Variants in NOS1 observed in about 807,000 individuals in gnomAD.
The protein encoded by NOS1 is nitric oxide synthase 1, also known as NOS type I.
A neutral mutation model predicts 164.5 loss-of-function variants in NOS1; 51 were observed. The observed-to-expected ratio is 0.31, with a 90% CI of 0.25 to 0.39. The LOEUF is 0.39. Ranked by LOEUF, NOS1 falls within the 10% of genes least tolerant of loss-of-function variation. The probability of loss-of-function intolerance (pLI) is 1.00; values close to 1 mark genes in which losing one functional copy is unlikely to be tolerated. For synonymous variants in NOS1, 719 were observed against 745.8 expected, an observed-to-expected ratio of 0.96 and a Z score of 0.59; for missense variants, 1,362 against 1,885.6, an observed-to-expected ratio of 0.72 and a Z score of 5.14.
Position 117,331,342 on chromosome 12 carries a change from G to A in NOS1, c.-273C>T. ...GACCAGGCAGACGTCAAGAGAGGCG[G>A]TGGGACGTGTCCCTAAGGTCAGGCA... On this transcript the variant is annotated 5_prime_UTR_variant, in exon 2 of 29. Coordinates refer to ENST00000317775, the MANE Select transcript of NOS1 (RefSeq NM_000620.5). 1.1e-5 allele frequency: 5 copies of A among 467,986 alleles called. No individual in the cohort carries two copies. The South Asian group carries it at 1.5e-4, about 14-fold the overall frequency. 29.0% of individuals were successfully genotyped at this position (467,986 alleles called of 1,614,324 possible).
At chr12:117,348,890 C>G (rs976857253) in intron 1 of NOS1, among the ~76,000 whole-genome samples, 1 of 152,106 alleles carries the variant, frequency 6.6e-6, no homozygotes. Flanking sequence ...AGCACAGTAG[C>G]GGAGAAAGTG....
chr12:117,227,385 T>C (rs763539471), intron 23 of NOS1, 46 bp downstream of exon 23: 3 of 1,589,782 alleles, frequency 1.9e-6, no homozygotes, highest in African/African-American at 1.3e-5. Flanking sequence ...AGAGGCCCCT[T>C]GGGGGAAAAT....
chr12:117,280,462 T>G (rs147472242), intron 8 of NOS1, among the ~76,000 whole-genome samples: 1 of 152,158 alleles, frequency 6.6e-6, no homozygotes, highest in African/African-American at 2.4e-5. Flanking sequence ...TTGGCCTTGG[T>G]GAGACTCGGT....
intron 22 of NOS1, among the ~76,000 whole-genome samples, chr12:117,231,011 C>T (rs1869159847): frequency 6.6e-6 from 1 of 151,856 alleles, no homozygotes; most frequent in African/African-American, 2.4e-5. Context: ...TTCATGGGTA[C>T]AAAAATACAG....
intron 27 of NOS1, among the ~76,000 whole-genome samples, chr12:117,219,492 A>C (rs1331375239): frequency 2.7e-5 from 4 of 150,792 alleles, no homozygotes; most frequent in African/African-American, 9.9e-5. Flanking sequence ...TTTTTAGAAG[A>C]GACAGGGTTT....
At chr12:117,294,746 A>G (rs984163149) in intron 3 of NOS1, among the ~76,000 whole-genome samples, 3 of 152,170 alleles carry the variant, frequency 2.0e-5, no homozygotes, top group African/African-American at 7.2e-5. Context: ...CTGTGGCTAC[A>G]TACTCCCTTT....
At chr12:117,232,796 T>C (rs1307980402) in intron 21 of NOS1, among the ~76,000 whole-genome samples, 3 of 152,200 alleles carry the variant, frequency 2.0e-5, no homozygotes, top group Non-Finnish European at 4.4e-5. Context: ...CATCAGGGGT[T>C]CAATCCCAAA....
At chr12:117,215,438 C>CA in intron 28 of NOS1, 114 bp from the exon 29 acceptor site, 1 of 1,007,660 alleles carries the variant, frequency 9.9e-7, no homozygotes, top group Non-Finnish European at 1.3e-6. Context: ...TTGTCTCTTT[C>CA]TTTTTTTTTT....
intron 1 of NOS1, among the ~76,000 whole-genome samples, chr12:117,339,326 G>GA (rs1875986858): frequency 6.6e-6 from 1 of 152,218 alleles, no homozygotes; most frequent in Admixed American, 6.5e-5. Context: ...CTCAGAGGTA[G>GA]TAACAGGCTC....
chr12:117,322,445 C>T (rs1296058260), intron 2 of NOS1, among the ~76,000 whole-genome samples: 22 of 141,388 alleles, frequency 1.6e-4, no homozygotes, highest in African/African-American at 5.8e-4. Context: ...TCCTGCTTTC[C>T]CTCCATCCTT....
chr12:117,247,262 T>G, intron 18 of NOS1, 86 bp downstream of exon 18: 1 of 1,168,440 alleles, frequency 8.6e-7, no homozygotes, highest in Non-Finnish European at 1.2e-6. Context: ...TCTCTCAAGT[T>G]TATTCTCTTC....
rs9658474 is a variant in NOS1 at position 117,243,704 on chromosome 12, C to T, written c.2824-269G>A. 6.6e-6 allele frequency among the ~76,000 whole-genome samples: 1 copy of T among 151,364 alleles called. No homozygotes were observed. Among genetic ancestry groups the T allele is most frequent in the African/African-American group, 2.4e-5 (1 of 41,058 alleles). ...CTCATCTACTCTTCCATTCATCTAC[C>T]CTTCCACCCTCCCATCCATGTATCT... On this transcript the variant is annotated intron_variant, in intron 18 of 28. Coordinates refer to ENST00000317775, the MANE Select transcript of NOS1 (RefSeq NM_000620.5). The surrounding 1 kb of genome is among the most constrained non-coding windows in gnomAD (Gnocchi z 4.3).
At chr12:117,326,138 C>A (rs1315387912) in intron 2 of NOS1, among the ~76,000 whole-genome samples, 1 of 152,002 alleles carries the variant, frequency 6.6e-6, no homozygotes, top group Non-Finnish European at 1.5e-5. Flanking sequence ...GTAATCCCAG[C>A]GCTTTGGGAG....
chr12:117,210,954 T>C lies in NOS1; in HGVS notation c.*4355A>G. The stretch of plus-strand genomic sequence containing the variant: ...AGGGGCAAGATGTTTTATTTTATTT[T>C]ATTTTATTTTATTTTTTTTGAGATA... On this transcript the variant is annotated 3_prime_UTR_variant, in exon 29 of 29. Coordinates refer to ENST00000317775, the MANE Select transcript of NOS1 (RefSeq NM_000620.5). 1.0e-6 allele frequency: 1 copy of C among 960,686 alleles called. No individual in the cohort carries two copies. Among genetic ancestry groups the C allele is most frequent in the Non-Finnish European group, 1.2e-6 (1 of 808,740 alleles). 59.5% of individuals were successfully genotyped at this position (960,686 alleles called of 1,614,324 possible).
In NOS1 at chr12:117,330,300, G is replaced by GCATGCA; in HGVS notation, c.725+44_725+45insTGCATG. The GCATGCA allele has an allele frequency of 2.7e-6, 4 of 1,491,268 alleles. No individual in the cohort carries two copies. Among genetic ancestry groups the GCATGCA allele is most frequent in the Non-Finnish European group, 2.7e-6 (3 of 1,111,634 alleles). 92.4% of individuals were successfully genotyped at this position (1,491,268 alleles called of 1,614,324 possible). ...GACGCACATGCACACACACAAGCAT[G>GCATGCA]CACACACACACACACACACACACAC... On this transcript the variant is annotated intron_variant, in intron 2 of 28. Coordinates refer to ENST00000317775, the MANE Select transcript of NOS1 (RefSeq NM_000620.5). The surrounding 1 kb of genome is among the most constrained non-coding windows in gnomAD (Gnocchi z 4.6).
At position 117,274,762 on chromosome 12, in the gene NOS1, C is replaced by T. The variant is rs544507333; in HGVS notation, c.1665-2203G>A. ...TCCAGCCTGGGCTGGAGTGACACTC[C>T]GTCTCACAAAAAAAAAAAAAAAAAA... On this transcript the variant is annotated intron_variant, in intron 9 of 28. Transcript: ENST00000317775. Among the ~76,000 whole-genome samples the T allele has an allele frequency of 9.7e-5, 9 of 92,768 alleles. No individual in the cohort carries two copies. The South Asian group carries it at 1.3e-3, about 13-fold the overall frequency. 60.9% of individuals were successfully genotyped at this position (92,768 alleles called of 152,430 possible). A position where few individuals can be genotyped will look rare whatever the true frequency, so the allele number is the denominator to read the frequency against.
chr12:117,303,944 G>T (rs562620201), intron 3 of NOS1, among the ~76,000 whole-genome samples: 1 of 152,148 alleles, frequency 6.6e-6, no homozygotes, highest in Non-Finnish European at 1.5e-5. Flanking sequence ...AGGCTGAGGC[G>T]GGTGGATCAC....
chr12:117,259,563 C>A (rs186543302), intron 14 of NOS1, among the ~76,000 whole-genome samples: 1 of 152,246 alleles, frequency 6.6e-6, no homozygotes, highest in Non-Finnish European at 1.5e-5. Flanking sequence ...AATCCTCCCC[C>A]GAGCAGTGTG....
rs763659728 is a variant in NOS1 at position 117,330,595 on chromosome 12, G to T, written c.475C>A (p.Pro159Thr). 5.3e-5 allele frequency: 85 copies of T among 1,612,084 alleles called. No homozygotes were observed. In the South Asian group the frequency reaches 7.3e-4, roughly 14 times the overall value. ...VDGASGPGNG[P>T]QHAYDDGQEA... The stretch of plus-strand genomic sequence containing the variant: ...TGCCCATCATCGTAGGCATGCTGAG[G>T]CCCATTCCCGGGACCCGAGGCCCCA... The change falls in exon 2 of 29, where the codon CCT becomes ACT. Residue 159 changes from proline to threonine, a missense_variant. Pro to Thr is a conservative substitution (Grantham distance 38). Coordinates refer to ENST00000317775, the MANE Select transcript of NOS1 (RefSeq NM_000620.5). This position sits in a 1 kb window ranked among gnomAD's most constrained non-coding sequence, Gnocchi z 4.6.
Sources: allele counts gnomAD v4.1 joint callset (sites outside exome capture counted in the v4.1 genomes callset), GRCh38; gene constraint gnomAD v4.1.1; non-coding constraint Gnocchi (gnomAD v3.1); transcripts MANE v1.5; gene names NCBI Gene and HGNC (gene_info 2026-07-23, HGNC 2026-07-21).